Variants in ZFYVE16 observed in about 807,000 individuals in gnomAD.
The protein encoded by ZFYVE16 is zinc finger FYVE-type containing 16, also known as zinc finger FYVE domain-containing protein 16.
Under a neutral mutation model 138.1 loss-of-function variants are expected in ZFYVE16, and 89 were observed. That is an observed-to-expected ratio of 0.64 (90% CI 0.54 to 0.77). The LOEUF is 0.77. Among genes scored for constraint, ZFYVE16 ranks in the 30% least tolerant of loss-of-function variants. ZFYVE16 has a pLI of 0.00. For synonymous variants in ZFYVE16, 596 were observed against 618.3 expected (o/e 0.96, Z 0.53); for missense variants, 1,793 against 1,786.7 (o/e 1.00, Z -0.06).
rs769745475 is a variant in ZFYVE16, at chr5:80,483,242, T to C, written c.*5865T>C. 3 of 152,084 alleles carry C rather than the reference T, an allele frequency of 2.0e-5. No homozygotes were observed. Among genetic ancestry groups the C allele is most frequent in the Non-Finnish European group, 4.4e-5 (3 of 68,028 alleles). 9.4% of individuals were successfully genotyped at this position (152,084 alleles called of 1,614,324 possible). A position where few individuals can be genotyped will look rare whatever the true frequency, so the allele number is the denominator to read the frequency against. ...AGTAGTCCTCCTTTAACAGAAATGG[T>C]AAAGGAAGTTCATGGGGAAGGAAAA... On this transcript the variant is annotated 3_prime_UTR_variant, in exon 19 of 19. Transcript: ENST00000505560.
rs1750096536 is a variant in ZFYVE16 at position 80,437,473 on chromosome 5, A to C, written c.788A>C (p.Gln263Pro). The change falls in exon 4 of 19, where the codon CAA (glutamine) becomes CCA (proline). Residue 263 changes from glutamine (Q) to proline (P), a missense_variant. Physicochemically the swap from Gln to Pro is moderately conservative, Grantham distance 76. This residue lies in a region of ZFYVE16 where 1,295 missense variants were observed against 1,204.3 expected (regional missense o/e 1.08). Coordinates refer to ENST00000505560, the MANE Select transcript of ZFYVE16 (RefSeq NM_001284236.3). ...SKMFHAKDKL[Q>P]HKSQPCGLLK... The stretch of plus-strand genomic sequence containing the variant: ...ATGTTTCATGCCAAAGACAAGCTAC[A>C]ACACAAGAGCCAGCCATGTGGATTA... 6.2e-7 allele frequency: 1 copy of C among 1,607,072 alleles called. No individual in the cohort carries two copies. Among genetic ancestry groups the C allele is most frequent in the Admixed American group, 1.7e-5 (1 of 57,992 alleles).
At chr5:80,465,754 A>T (rs2112520309) in intron 15 of ZFYVE16, among the ~76,000 whole-genome samples, 1 of 151,564 alleles carries the variant, frequency 6.6e-6, no homozygotes, top group East Asian at 2.0e-4. Flanking sequence ...TTTTATTTGA[A>T]ATCCTTTGTA....
At chr5:80,461,336 A>G (rs1753087460) in intron 15 of ZFYVE16, among the ~76,000 whole-genome samples, 1 of 152,246 alleles carries the variant, frequency 6.6e-6, no homozygotes. Flanking sequence ...ATCAGTAGTC[A>G]GTCACATTAC....
At chr5:80,442,796 A>C (rs779780831) in intron 5 of ZFYVE16, among the ~76,000 whole-genome samples, 2 of 152,254 alleles carry the variant, frequency 1.3e-5, no homozygotes, top group Non-Finnish European at 2.9e-5. Context: ...GAATCTCTCT[A>C]AACTATGTTG....
chr5:80,472,631 C>A, intron 15 of ZFYVE16, 130 bp from the exon 16 acceptor site: 4 of 952,450 alleles, frequency 4.2e-6, no homozygotes, highest in Non-Finnish European at 4.5e-6. Flanking sequence ...GGAAAACAAC[C>A]ATTAAGATGA....
At chr5:80,431,628 G>A (rs1749040860) in intron 2 of ZFYVE16, among the ~76,000 whole-genome samples, 1 of 152,144 alleles carries the variant, frequency 6.6e-6, no homozygotes, top group Non-Finnish European at 1.5e-5. Context: ...TATTCAATTA[G>A]GAAAAGAGGA....
intron 1 of ZFYVE16, chr5:80,409,562 A>C (rs1745120832): frequency 4.6e-5 from 7 of 152,248 alleles, no homozygotes; most frequent in Admixed American, 3.9e-4. Context: ...ACCATTTTCT[A>C]AAACAAAACT....
At position 80,480,690 on chromosome 5, in the gene ZFYVE16, A is replaced by G. The variant is rs1755234013; in HGVS notation, c.*3313A>G. Among the ~76,000 whole-genome samples, 2 of 152,120 alleles carry G rather than the reference A, an allele frequency of 1.3e-5. No individual in the cohort carries two copies. Among genetic ancestry groups the G allele is most frequent in the South Asian group, 4.1e-4 (2 of 4,830 alleles). Reference sequence around the variant, plus strand: ...CTGTAATCGAGCACTTTGGGAGGCCAAGGCAGGAGGATCACTCGAGCTCAG... The same window carrying G: ...CTGTAATCGAGCACTTTGGGAGGCCGAGGCAGGAGGATCACTCGAGCTCAG... On this transcript the variant is annotated 3_prime_UTR_variant, in exon 19 of 19. Transcript: ENST00000505560.
intron 2 of ZFYVE16, among the ~76,000 whole-genome samples, chr5:80,431,693 C>T (rs186386368): frequency 3.6e-3 from 544 of 152,230 alleles, no homozygotes; most frequent in Middle Eastern, 6.8e-3. Flanking sequence ...AAAACCCCAT[C>T]GTCTCAGCCC....
rs1217916328 is a variant in ZFYVE16 at position 80,478,066 on chromosome 5, T to C, written c.*689T>C. 3.9e-5 allele frequency: 6 copies of C among 152,250 alleles called. No individual in the cohort carries two copies. The highest frequency in any genetic ancestry group is 4.1e-4 in the South Asian group (2 of 4,830). 9.4% of individuals were successfully genotyped at this position (152,250 alleles called of 1,614,324 possible). ...GGTGCTTCAGGACTTTTTGCTTCTA[T>C]ATTTAAGTATATTGTTTTTATAGCA... On this transcript the variant is annotated 3_prime_UTR_variant, in exon 19 of 19. Coordinates refer to ENST00000505560, the MANE Select transcript of ZFYVE16 (RefSeq NM_001284236.3).
Position 80,437,311 on chromosome 5 carries a change from T to C in ZFYVE16, c.626T>C (p.Ile209Thr). Residue 209 changes from isoleucine to threonine, a missense_variant, in exon 4 of 19, where the codon ATA (isoleucine) becomes ACA (threonine). By Grantham distance (89) the Ile-to-Thr change is moderately conservative. Transcript: ENST00000505560. ...ATCGGAGGAATCAAAGAATTGGGTA[T>C]AAAAGTAGATACAACACTTTCAGAT... ...REIGGIKELG[I>T]KVDTTLSDSY... The C allele has an allele frequency of 1.9e-6, 3 of 1,605,104 alleles. No homozygotes were observed. In the South Asian group the frequency reaches 3.3e-5, roughly 18 times the overall value.
At chr5:80,424,060 C>T (rs560615762) in intron 1 of ZFYVE16, among the ~76,000 whole-genome samples, 3 of 151,816 alleles carry the variant, frequency 2.0e-5, no homozygotes, top group African/African-American at 7.3e-5. Flanking sequence ...ATTCTCCTGC[C>T]TCAGCCTCCC....
chr5:80,435,536 T>C (rs767393471), intron 3 of ZFYVE16, among the ~76,000 whole-genome samples: 8 of 152,332 alleles, frequency 5.3e-5, no homozygotes, highest in Non-Finnish European at 1.0e-4. Context: ...TGTTTTTTAG[T>C]TCTTCCTTAG....
At chr5:80,422,012 A>C (rs1056163283) in intron 1 of ZFYVE16, among the ~76,000 whole-genome samples, 5 of 152,262 alleles carry the variant, frequency 3.3e-5, no homozygotes, top group East Asian at 1.9e-4. Flanking sequence ...GGTCCTTCAC[A>C]TCCCTTGTAA....
chr5:80,464,477 C>T (rs529761904), intron 15 of ZFYVE16, among the ~76,000 whole-genome samples: 9 of 152,248 alleles, frequency 5.9e-5, no homozygotes, highest in South Asian at 2.1e-4. Flanking sequence ...TCCCTTGACA[C>T]GTGAGGATTA....
At chr5:80,426,219 TGTG>T (rs1747989223) in intron 1 of ZFYVE16, among the ~76,000 whole-genome samples, 1 of 145,540 alleles carries the variant, frequency 6.9e-6, no homozygotes, top group Non-Finnish European at 1.5e-5. Context: ...TGTGTGTGTG[TGTG>T]TGTGTGTATG....
intron 15 of ZFYVE16, among the ~76,000 whole-genome samples, chr5:80,471,223 C>T (rs536033072): frequency 6.6e-6 from 1 of 152,222 alleles, no homozygotes; most frequent in East Asian, 1.9e-4. Flanking sequence ...AGGCATACTC[C>T]CTTCTGAGAA....
rs70988468 is a variant in ZFYVE16 at position 80,413,471 on chromosome 5, C to CAA, written c.-94+5331_-94+5332dup. Among the ~76,000 whole-genome samples the CAA allele has an allele frequency of 2.1e-3, 261 of 124,286 alleles. 1 individual carries two copies. Among genetic ancestry groups the CAA allele is most frequent in the Middle Eastern group, 3.9e-3 (1 of 258 alleles). The allele number at this position is 124,286 out of a possible 152,430, so 81.5% of individuals were successfully genotyped here. A position where few individuals can be genotyped will look rare whatever the true frequency, so the allele number is the denominator to read the frequency against. Reference sequence around the variant, plus strand: ...GGGCAACAAGATCAAAACTTCATCTCAAAAAAAAAAAAAAGAAAAAAAAAA... The same window carrying CAA: ...GGGCAACAAGATCAAAACTTCATCTCAAAAAAAAAAAAAAAAGAAAAAAAAAA... On this transcript the variant is annotated intron_variant, in intron 1 of 18. Coordinates refer to ENST00000505560, the MANE Select transcript of ZFYVE16 (RefSeq NM_001284236.3).
chr5:80,474,302 T>G (rs1238701559), intron 17 of ZFYVE16, among the ~76,000 whole-genome samples: 1 of 152,188 alleles, frequency 6.6e-6, no homozygotes, highest in Non-Finnish European at 1.5e-5. Flanking sequence ...TATTTATTTC[T>G]TATGCATTCT....
Sources: allele counts gnomAD v4.1 joint callset (sites outside exome capture counted in the v4.1 genomes callset), GRCh38; gene constraint gnomAD v4.1.1; regional missense constraint gnomAD v4.1.1; transcripts MANE v1.5; gene names NCBI Gene and HGNC (gene_info 2026-07-23, HGNC 2026-07-21).